FAM193A: variants seen among roughly 807,000 people sequenced by gnomAD.
FAM193A encodes family with sequence similarity 193 member A.
In FAM193A, 22 loss-of-function variants were observed where a neutral mutation model predicts 126.5. The ratio of observed to expected loss-of-function variants is 0.17; its 90% CI spans 0.12 to 0.25. The LOEUF (loss-of-function observed/expected upper bound fraction) is 0.25. Ranked by LOEUF, FAM193A falls within the 10% of genes least tolerant of loss-of-function variation. FAM193A has a pLI of 1.00. For missense variants in FAM193A, 1,675 were observed against 1,672.8 expected (o/e 1.00, Z -0.02); for synonymous variants, 761 against 646.8 (o/e 1.18, Z -2.68).
intron 2 of FAM193A, among the ~76,000 whole-genome samples, chr4:2,598,796 G>T (rs374083336): frequency 2.6e-5 from 4 of 152,322 alleles, no homozygotes; most frequent in South Asian, 4.1e-4. Context: ...AGCACTGTGC[G>T]TGCTCGTGTG....
At chr4:2,588,275 C>A (rs955938480) in intron 1 of FAM193A, among the ~76,000 whole-genome samples, 1 of 152,180 alleles carries the variant, frequency 6.6e-6, no homozygotes, top group African/African-American at 2.4e-5. Context: ...TGTGTCCTGC[C>A]GTGAAAGTTC....
At chr4:2,664,642 C>G (rs1712896457) in intron 12 of FAM193A, among the ~76,000 whole-genome samples, 1 of 143,896 alleles carries the variant, frequency 6.9e-6, no homozygotes. Flanking sequence ...TCTCGCCTCA[C>G]TGCAACCTCT....
chr4:2,547,604 C>CTGTGTGTGTG (rs34348453), intron 1 of FAM193A, among the ~76,000 whole-genome samples: 1 of 144,870 alleles, frequency 6.9e-6, no homozygotes, highest in African/African-American at 2.6e-5. Context: ...GTGTGTGTGT[C>CTGTGTGTGTG]TGTGTGTGTG....
rs1438763062 is a variant in FAM193A, at chr4:2,619,294, TTTC to T, written c.502-5965_502-5963del. Among the ~76,000 whole-genome samples, 10 of 152,074 alleles carry T rather than the reference TTTC, an allele frequency of 6.6e-5. No homozygotes were observed. The East Asian group carries it at 1.9e-3, about 29-fold the overall frequency. On this transcript the variant is annotated intron_variant, in intron 2 of 20. Transcript: ENST00000637812. ...TCATCTCTATTTTTGGGGAGATCTGTTTCTTTTTTTCTTTTTTATTTTTTTGAG... is the reference window on the plus strand; with the variant it reads ...TCATCTCTATTTTTGGGGAGATCTGTTTTTTTTCTTTTTTATTTTTTTGAG...
At chr4:2,599,378 A>G (rs1023474124) in intron 2 of FAM193A, among the ~76,000 whole-genome samples, 1 of 151,950 alleles carries the variant, frequency 6.6e-6, no homozygotes, top group African/African-American at 2.4e-5. Flanking sequence ...TGGCCCAGAG[A>G]TAGGATTTTA....
chr4:2,614,136 A>G (rs903289231), intron 2 of FAM193A, among the ~76,000 whole-genome samples: 2 of 152,112 alleles, frequency 1.3e-5, no homozygotes, highest in African/African-American at 4.8e-5. Context: ...TTCCTTTGCA[A>G]TCTGTGTATC....
At chr4:2,639,238 A>T (rs952203857) in intron 5 of FAM193A, among the ~76,000 whole-genome samples, 1 of 152,182 alleles carries the variant, frequency 6.6e-6, no homozygotes, top group African/African-American at 2.4e-5. Flanking sequence ...TATTAGGAAG[A>T]CAAAAAACCT....
chr4:2,711,981 G>A (rs1021223948), intron 19 of FAM193A, among the ~76,000 whole-genome samples: 1 of 152,170 alleles, frequency 6.6e-6, no homozygotes, highest in African/African-American at 2.4e-5. Flanking sequence ...ACTCGATAGT[G>A]TAATAGGCAG....
chr4:2,658,452 C>G (rs2109098496), intron 8 of FAM193A, among the ~76,000 whole-genome samples: 1 of 152,240 alleles, frequency 6.6e-6, no homozygotes, highest in East Asian at 1.9e-4. Context: ...CTAGTGATGT[C>G]CTGTATCTGG....
intron 7 of FAM193A, among the ~76,000 whole-genome samples, chr4:2,651,055 G>A (rs1426031185): frequency 6.6e-6 from 1 of 152,148 alleles, no homozygotes; most frequent in Non-Finnish European, 1.5e-5. Context: ...CCTGAGACCG[G>A]GCTTGATACT....
intron 3 of FAM193A, among the ~76,000 whole-genome samples, chr4:2,626,102 G>A (rs1463211457): frequency 6.6e-6 from 1 of 152,178 alleles, no homozygotes; most frequent in African/African-American, 2.4e-5. Context: ...AAGGGTGGGG[G>A]CAAAGCTGCC....
intron 19 of FAM193A, among the ~76,000 whole-genome samples, chr4:2,704,502 T>G (rs1718088308): frequency 1.3e-5 from 2 of 151,896 alleles, no homozygotes; most frequent in South Asian, 4.2e-4. Flanking sequence ...GAGGCGGAGG[T>G]TGCAGTGAGT....
Position 2,647,091 on chromosome 4 carries a change from G to T in FAM193A, c.1311+259G>T, listed in dbSNP as rs146287135. Among the ~76,000 whole-genome samples the T allele has an allele frequency of 3.4e-3, 516 of 152,324 alleles. 1 individual carries two copies. The highest frequency in any genetic ancestry group is 0.012 in the African/African-American group (501 of 41,572). On this transcript the variant is annotated intron_variant, in intron 7 of 20. Transcript: ENST00000637812. ...GTTGGTCAAGTTTTCCTTGGCCTGGGCACACCTGCTGTCACTCACACGGGC... is the reference window on the plus strand; with the variant it reads ...GTTGGTCAAGTTTTCCTTGGCCTGGTCACACCTGCTGTCACTCACACGGGC...
At chr4:2,651,930 C>A (rs1437692876) in intron 7 of FAM193A, among the ~76,000 whole-genome samples, 1 of 151,030 alleles carries the variant, frequency 6.6e-6, no homozygotes, top group Non-Finnish European at 1.5e-5. Context: ...AGAAAGAGTC[C>A]CTTGCAAGGG....
At chr4:2,642,481 A>G (rs1282249813) in intron 6 of FAM193A, among the ~76,000 whole-genome samples, 1 of 152,114 alleles carries the variant, frequency 6.6e-6, no homozygotes, top group Non-Finnish European at 1.5e-5. Context: ...TGCAGAAGAA[A>G]AGGCATCGGA....
chr4:2,600,546 T>G (rs1560471799), intron 2 of FAM193A, among the ~76,000 whole-genome samples: 1 of 152,186 alleles, frequency 6.6e-6, no homozygotes. Flanking sequence ...TTTCCTTGCT[T>G]CTTAGACTAC....
intron 1 of FAM193A, among the ~76,000 whole-genome samples, chr4:2,572,349 A>T (rs1739343494): frequency 6.7e-6 from 1 of 148,804 alleles, no homozygotes; most frequent in Admixed American, 6.7e-5. Context: ...AAAAAAGTCC[A>T]AGGTAACATT....
At chr4:2,562,050 G>T (rs1738647951) in intron 1 of FAM193A, among the ~76,000 whole-genome samples, 1 of 152,152 alleles carries the variant, frequency 6.6e-6, no homozygotes, top group African/African-American at 2.4e-5. Flanking sequence ...TTGTGCACTG[G>T]ACACAGTTTC....
intron 13 of FAM193A, among the ~76,000 whole-genome samples, chr4:2,686,562 G>A (rs571715860): frequency 6.7e-5 from 10 of 149,188 alleles, no homozygotes; most frequent in African/African-American, 2.6e-4. Context: ...TTTTGCAGAG[G>A]AGGTGATGCT....
Sources: allele counts gnomAD v4.1 joint callset (sites outside exome capture counted in the v4.1 genomes callset), GRCh38; gene constraint gnomAD v4.1.1; transcripts MANE v1.5; gene names NCBI Gene and HGNC (gene_info 2026-07-23, HGNC 2026-07-21).